NXPE2: variants seen among roughly 807,000 people sequenced by gnomAD.
The protein encoded by NXPE2 is neurexophilin and PC-esterase domain family member 2, also known as NXPE family member 2.
In NXPE2, 34 loss-of-function variants were observed where a neutral mutation model predicts 34.4. The ratio of observed to expected loss-of-function variants is 0.99; its 90% confidence interval spans 0.75 to 1.31. The LOEUF (loss-of-function observed/expected upper bound fraction) is 1.31. Ranked by LOEUF, NXPE2 falls within the 40% of genes most tolerant of loss-of-function variation. The probability of loss-of-function intolerance (pLI) is 0.00; values close to 1 mark genes in which losing one functional copy is unlikely to be tolerated. For synonymous variants in NXPE2, 235 were observed against 231.3 expected, an observed-to-expected ratio of 1.02 and a Z score of -0.15; for missense variants, 649 against 672.5, an observed-to-expected ratio of 0.97 and a Z score of 0.39.
chr11:114,488,595 C>A, the NXPE2 span, among the ~76,000 whole-genome samples: 1 of 152,176 alleles, frequency 6.6e-6, no homozygotes, highest in Admixed American at 6.5e-5. Context: ...GAACAGCCTG[C>A]TCCTGAATGA....
chr11:114,711,346 A>G (rs1301411057), downstream of NXPE2, among the ~76,000 whole-genome samples: 2 of 152,156 alleles, frequency 1.3e-5, no homozygotes, highest in Non-Finnish European at 2.9e-5. Flanking sequence ...CTCTGTTCAC[A>G]GATGACATGA....
chr11:114,530,508 C>T, the NXPE2 span: 1 of 1,613,926 alleles, frequency 6.2e-7, no homozygotes, highest in Non-Finnish European at 8.5e-7. Flanking sequence ...CAGAGTGAAG[C>T]TGACCAGGTA....
chr11:114,654,050 G>A, the NXPE2 span, among the ~76,000 whole-genome samples: 7 of 152,168 alleles, frequency 4.6e-5, no homozygotes, highest in Non-Finnish European at 1.0e-4. Flanking sequence ...GTTATGTTTG[G>A]TAATGACAAT....
At chr11:114,726,018 T>G in the NXPE2 span, among the ~76,000 whole-genome samples, 110 of 141,944 alleles carry the variant, frequency 7.7e-4, no homozygotes, top group Admixed American at 2.0e-3. Context: ...ACCATAATAG[T>G]AAGAATCACA....
intron 4 of NXPE2, among the ~76,000 whole-genome samples, chr11:114,705,195 C>T (rs1008187751): frequency 3.9e-5 from 6 of 152,018 alleles, no homozygotes; most frequent in Non-Finnish European, 8.8e-5. Context: ...GGTCATGATC[C>T]TACTTTTTTC....
chr11:114,625,345 G>C, the NXPE2 span, among the ~76,000 whole-genome samples: 5 of 151,404 alleles, frequency 3.3e-5, no homozygotes, highest in Non-Finnish European at 7.4e-5. Context: ...ACTGTTACTG[G>C]GTGTATAATA....
the NXPE2 span, among the ~76,000 whole-genome samples, chr11:114,475,226 G>GGT: frequency 1.1e-5 from 1 of 88,070 alleles, no homozygotes. Context: ...AATGTGAACT[G>GGT]TTTTTTTTTT....
At chr11:114,589,195 G>T in the NXPE2 span, among the ~76,000 whole-genome samples, 1 of 152,224 alleles carries the variant, frequency 6.6e-6, no homozygotes, top group South Asian at 2.1e-4. Flanking sequence ...TGATCAGACT[G>T]CCCCCAGAGA....
chr11:114,588,151 G>A, the NXPE2 span, among the ~76,000 whole-genome samples: 1 of 152,122 alleles, frequency 6.6e-6, no homozygotes, highest in Non-Finnish European at 1.5e-5. Flanking sequence ...ATCTGAGGCA[G>A]CTATTGAGTG....
the NXPE2 span, among the ~76,000 whole-genome samples, chr11:114,626,668 C>A: frequency 1.3e-5 from 2 of 152,148 alleles, no homozygotes; most frequent in Non-Finnish European, 2.9e-5. Context: ...CAAAGCTGGA[C>A]GGAGAATGAC....
At chr11:114,581,651 A>C in the NXPE2 span, 3 of 1,243,176 alleles carry the variant, frequency 2.4e-6, no homozygotes, top group African/African-American at 3.0e-5. Context: ...ACAGTGAACA[A>C]ATCCAGTAGA....
the NXPE2 span, among the ~76,000 whole-genome samples, chr11:114,485,075 T>G: frequency 6.6e-6 from 1 of 152,194 alleles, no homozygotes; most frequent in African/African-American, 2.4e-5. Flanking sequence ...AATAGGTGTA[T>G]GTATTTATGG....
chr11:114,573,341 G>A, the NXPE2 span, among the ~76,000 whole-genome samples: 1 of 152,058 alleles, frequency 6.6e-6, no homozygotes. Context: ...ACAATGAATA[G>A]AATAGTATCT....
At chr11:114,487,439 A>G in the NXPE2 span, among the ~76,000 whole-genome samples, 2 of 152,176 alleles carry the variant, frequency 1.3e-5, no homozygotes, top group Non-Finnish European at 2.9e-5. Flanking sequence ...TCATCTGCAA[A>G]CAAGGATAAT....
chr11:114,482,456 T>C, the NXPE2 span, among the ~76,000 whole-genome samples: 2 of 152,332 alleles, frequency 1.3e-5, no homozygotes, highest in African/African-American at 2.4e-5. Flanking sequence ...ATTTCCTCTT[T>C]ACAGACAAAG....
At chr11:114,677,113 G>T (rs1950867642), upstream of NXPE2, among the ~76,000 whole-genome samples, 1 of 151,972 alleles carries the variant, frequency 6.6e-6, no homozygotes, top group Non-Finnish European at 1.5e-5. Context: ...CTGAGGGTCT[G>T]GTCAGGGAGA....
At chr11:114,523,481 T>G in the NXPE2 span, among the ~76,000 whole-genome samples, 2 of 152,202 alleles carry the variant, frequency 1.3e-5, no homozygotes, top group African/African-American at 4.8e-5. Flanking sequence ...CTTTGTTTCA[T>G]TAATGAAGGA....
chr11:114,682,356 C>G (rs553951276), intron 2 of NXPE2, among the ~76,000 whole-genome samples: 10 of 152,138 alleles, frequency 6.6e-5, no homozygotes, highest in Non-Finnish European at 1.5e-4. Flanking sequence ...AAAGTTGGCC[C>G]TTACAATCTC....
the NXPE2 span, among the ~76,000 whole-genome samples, chr11:114,658,337 G>A: frequency 2.0e-5 from 3 of 152,114 alleles, no homozygotes; most frequent in Non-Finnish European, 4.4e-5. Flanking sequence ...GCTGAATGTG[G>A]GCTAGTATGA....
Sources: allele counts gnomAD v4.1 joint callset (sites outside exome capture counted in the v4.1 genomes callset), GRCh38; gene constraint gnomAD v4.1.1; transcripts MANE v1.5; gene names NCBI Gene and HGNC (gene_info 2026-07-23, HGNC 2026-07-21).